Variants in WNK3 observed in about 807,000 individuals in gnomAD.
WNK3 encodes the protein serine/threonine-protein kinase WNK3.
In WNK3, 18 loss-of-function variants were observed where a neutral mutation model predicts 116.7. The ratio of observed to expected loss-of-function variants is 0.15; its 90% CI spans 0.11 to 0.23. The LOEUF (loss-of-function observed/expected upper bound fraction) is 0.23. Among genes scored for constraint, WNK3 ranks in the 10% least tolerant of loss-of-function variants. WNK3 has a pLI of 1.00. For synonymous variants in WNK3, 404 were observed against 469.4 expected, an observed-to-expected ratio of 0.86 and a Z score of 1.80; for missense variants, 993 against 1,323.8, an observed-to-expected ratio of 0.75 and a Z score of 3.88.
chrX:54,234,487 C>T (rs2067939429), intron 20 of WNK3, among the ~76,000 whole-genome samples: 1 of 111,916 alleles, frequency 8.9e-6, no homozygotes, highest in African/African-American at 3.2e-5. Flanking sequence ...TAGCCAGCTA[C>T]AAAAGCTACC....
intron 7 of WNK3, among the ~76,000 whole-genome samples, chrX:54,297,022 A>G (rs1557166432): frequency 9.0e-6 from 1 of 110,599 alleles, no homozygotes; most frequent in Admixed American, 9.8e-5. Context: ...ACATGGGTGT[A>G]TTTTCCTGGC....
At chrX:54,247,561 A>G (rs1557152942) in intron 17 of WNK3, among the ~76,000 whole-genome samples, 2 of 110,397 alleles carry the variant, frequency 1.8e-5, no homozygotes, top group Non-Finnish European at 3.8e-5. Flanking sequence ...CTTTATAAAT[A>G]TTTGTATATT....
chrX:54,305,252 G>A (rs1313341096), intron 5 of WNK3, among the ~76,000 whole-genome samples: 1 of 111,615 alleles, frequency 9.0e-6, no homozygotes, highest in Non-Finnish European at 1.9e-5. Flanking sequence ...TTATTTATGT[G>A]TTTGAGGTTA....
intron 20 of WNK3, among the ~76,000 whole-genome samples, chrX:54,236,407 G>A (rs781783822): frequency 9.9e-4 from 109 of 110,399 alleles, no homozygotes; most frequent in African/African-American, 3.4e-3. Context: ...ACAGGCATGC[G>A]CCACCATGCC....
intron 23 of WNK3, among the ~76,000 whole-genome samples, chrX:54,199,947 TCTTCA>T (rs1173157070): frequency 4.4e-5 from 5 of 112,683 alleles, no homozygotes; most frequent in Non-Finnish European, 9.4e-5. Context: ...CTCTTTGCTC[TCTTCA>T]CTTCAGCCAA....
At chrX:54,265,744 C>T (rs782117981) in intron 10 of WNK3, among the ~76,000 whole-genome samples, 1 of 112,836 alleles carries the variant, frequency 8.9e-6, no homozygotes, top group Non-Finnish European at 1.9e-5. Flanking sequence ...GAGACTACTA[C>T]AATTATTCAA....
At chrX:54,328,576 A>G (rs1603399189) in intron 2 of WNK3, among the ~76,000 whole-genome samples, 1 of 110,336 alleles carries the variant, frequency 9.1e-6, no homozygotes, top group East Asian at 2.8e-4. Flanking sequence ...ACTGTACTCT[A>G]GCCTGGGCAA....
At chrX:54,195,703 A>G (rs2067436483) in exon 24 of WNK3, 2 of 111,896 alleles carry the variant, frequency 1.8e-5, no homozygotes, top group Admixed American at 9.6e-5. Flanking sequence ...TAATGTATAC[A>G]TAACATATAT....
intron 22 of WNK3, among the ~76,000 whole-genome samples, chrX:54,224,742 T>G (rs1317157705): frequency 9.1e-6 from 1 of 109,858 alleles, no homozygotes; most frequent in African/African-American, 3.3e-5. Flanking sequence ...GCTAATTTTT[T>G]GTATTTTTAG....
chrX:54,267,934 G>A (rs906835000), intron 10 of WNK3, among the ~76,000 whole-genome samples: 12 of 111,075 alleles, frequency 1.1e-4, no homozygotes, highest in Non-Finnish European at 2.3e-4. Context: ...GTAAGTGTTC[G>A]ATTTTGGATA....
chrX:54,260,202 T>C (rs782405012), intron 10 of WNK3, among the ~76,000 whole-genome samples: 1 of 112,180 alleles, frequency 8.9e-6, no homozygotes, highest in African/African-American at 3.2e-5. Context: ...TTCATCATTC[T>C]AATCAACCCA....
intron 10 of WNK3, among the ~76,000 whole-genome samples, chrX:54,280,050 G>A (rs1348105212): frequency 1.5e-4 from 17 of 112,408 alleles, no homozygotes; most frequent in African/African-American, 5.2e-4. Context: ...GTAAATCCCA[G>A]CACTTCGGGA....
chrX:54,235,117 T>C (rs2067947949), intron 20 of WNK3, among the ~76,000 whole-genome samples: 1 of 111,852 alleles, frequency 8.9e-6, no homozygotes, highest in African/African-American at 3.2e-5. Context: ...GAAAATATTA[T>C]AATTATCTAT....
intron 10 of WNK3, among the ~76,000 whole-genome samples, chrX:54,274,470 C>A (rs782288183): frequency 9.0e-4 from 101 of 111,998 alleles, no homozygotes; most frequent in Non-Finnish European, 7.0e-4. Context: ...TATGCTAAGG[C>A]CAACCCCTCT....
At chrX:54,255,995 T>C (rs2068188704) in intron 11 of WNK3, 108 bp from the exon 12 acceptor site, 4 of 652,535 alleles carry the variant, frequency 6.1e-6, no homozygotes. Flanking sequence ...AAATTAATAC[T>C]ACAATCTTTT....
At chrX:54,293,247 T>A in exon 9 of WNK3, 1 of 1,211,132 alleles carries the variant, frequency 8.3e-7, no homozygotes. Flanking sequence ...ATCGTTTGAT[T>A]TGAGGAATAG....
chrX:54,296,640 A>G lies in WNK3; in HGVS notation c.1398+1535T>C, dbSNP rs1034432376. On this transcript the variant is annotated intron_variant, in intron 7 of 23. Coordinates refer to ENST00000354646, the Ensembl canonical transcript of WNK3. ...CATTCCAGTTTAGAACAACAGTATGATCAGAAAGACATGTTAAAGGCTATC... is the reference window on the plus strand; with the variant it reads ...CATTCCAGTTTAGAACAACAGTATGGTCAGAAAGACATGTTAAAGGCTATC... 2.7e-5 allele frequency among the ~76,000 whole-genome samples: 3 copies of G among 111,523 alleles called. No homozygotes were observed. In the Admixed American group the frequency reaches 2.9e-4, roughly 11 times the overall value.
rs371891923 is a variant in WNK3 at position 54,201,381 on chromosome X, A to G, written c.5073+610T>C. Among the ~76,000 whole-genome samples, 11 of 112,377 alleles carry G rather than the reference A, an allele frequency of 9.8e-5. No individual in the cohort carries two copies. In the East Asian group the frequency reaches 1.7e-3, roughly 17 times the overall value. ...TGTACACCTGACTAAGGCCACATGC[A>G]ATAACTAGGCATCTTTTCTTTAAAA... On this transcript the variant is annotated intron_variant, in intron 23 of 23. Coordinates refer to ENST00000354646, the Ensembl canonical transcript of WNK3.
chrX:54,201,147 T>A (rs2146694382), intron 23 of WNK3, among the ~76,000 whole-genome samples: 1 of 112,000 alleles, frequency 8.9e-6, no homozygotes, highest in African/African-American at 3.2e-5. Context: ...TCACTTACTT[T>A]AAAAATACAA....
Sources: gnomAD v4.1 joint callset for allele counts (sites outside exome capture counted in the v4.1 genomes callset) on GRCh38, gnomAD v4.1.1 for gene constraint, MANE v1.5 for transcripts, NCBI Gene and HGNC (gene_info 2026-07-23, HGNC 2026-07-21) for gene names.